Variants in NSMCE4A observed in about 807,000 individuals in gnomAD.
NSMCE4A encodes the protein non-structural maintenance of chromosomes element 4 homolog A.
A neutral mutation model predicts 47.9 loss-of-function variants in NSMCE4A; 40 were observed. The ratio of observed to expected loss-of-function variants is 0.83; its 90% CI spans 0.65 to 1.09. The LOEUF is 1.09. Ranked by LOEUF, NSMCE4A falls within the 50% of genes least tolerant of loss-of-function variation. NSMCE4A has a pLI of 0.00. For synonymous variants in NSMCE4A, 166 were observed against 178.5 expected (o/e 0.93, Z 0.56); for missense variants, 500 against 507.0 (o/e 0.99, Z 0.13).
In NSMCE4A at chr10:121,964,623, G is replaced by A. The variant is rs567360032; in HGVS notation, c.753+663C>T. On this transcript the variant is annotated intron_variant, in intron 5 of 10. Coordinates refer to ENST00000369023, the MANE Select transcript of NSMCE4A (RefSeq NM_017615.3). ...TACCTAGCTAATTTCTGTATTTTTA[G>A]TAGAGACGGGGTTTCCCCGTATTGG... is the stretch of plus-strand genomic sequence containing the variant. 1.5e-3 allele frequency among the ~76,000 whole-genome samples: 233 copies of A among 151,776 alleles called. 1 individual carries two copies. The highest frequency in any genetic ancestry group is 2.3e-3 in the Non-Finnish European group (159 of 67,972).
At chr10:121,974,142 A>G in intron 1 of NSMCE4A, 61 bp from the exon 2 acceptor site, 1 of 1,443,518 alleles carries the variant, frequency 6.9e-7, no homozygotes, top group Non-Finnish European at 9.6e-7. Context: ...AGCAGTTGAC[A>G]AGGTTATCAC....
At chr10:121,964,958 A>G (rs895138527) in intron 5 of NSMCE4A, among the ~76,000 whole-genome samples, 7 of 152,146 alleles carry the variant, frequency 4.6e-5, no homozygotes, top group South Asian at 2.1e-4. Flanking sequence ...CTATTAGCAT[A>G]TAACAGGTAG....
Position 121,975,104 on chromosome 10 carries a change from C to G in NSMCE4A, c.62G>C (p.Arg21Pro), listed in dbSNP as rs1271334715. Residue 21 changes from arginine (R) to proline (P), a missense_variant, in exon 1 of 11, where the codon CGG (arginine) becomes CCG (proline). Arg to Pro is a moderately radical substitution (Grantham distance 103). Transcript: ENST00000369023. Reference sequence around the variant, plus strand: ...GCGGGAGCGGGAGCGGGTGCGATCCCGATGCGGGTCGCGGCCCCGGCCCCG... The same window carrying G: ...GCGGGAGCGGGAGCGGGTGCGATCCGGATGCGGGTCGCGGCCCCGGCCCCG... ...EGRGRGRDPH[R>P]DRTRSRSRSR... is the part of the protein sequence containing the mutation. 2 of 1,433,232 alleles carry G rather than the reference C, an allele frequency of 1.4e-6. No homozygotes were observed. The highest frequency in any genetic ancestry group is 1.5e-5 in the African/African-American group (1 of 66,436). 88.8% of individuals were successfully genotyped at this position (1,433,232 alleles called of 1,614,324 possible).
chr10:121,960,494 C>A lies in NSMCE4A; in HGVS notation c.940-88G>T. 1.1e-6 allele frequency: 1 copy of A among 876,208 alleles called. No individual in the cohort carries two copies. Among genetic ancestry groups the A allele is most frequent in the South Asian group, 1.9e-5 (1 of 52,022 alleles). The allele number at this position is 876,208 out of a possible 1,614,324, so 54.3% of individuals were successfully genotyped here. A position where few individuals can be genotyped will look rare whatever the true frequency, so the allele number is the denominator to read the frequency against. ...GATGGAAAAAATTACTCAGAAAATT[C>A]AGTATCTCAGAAAATCAAATTACAC... On this transcript the variant is annotated intron_variant, in intron 7 of 10. Coordinates refer to ENST00000369023, the MANE Select transcript of NSMCE4A (RefSeq NM_017615.3). This position sits in a 1 kb window ranked among gnomAD's most constrained non-coding sequence, Gnocchi z 4.2.
At position 121,974,095 on chromosome 10, in the gene NSMCE4A, T is replaced by C; in HGVS notation, c.293-14A>G. ...CCTCACGGTTTTCTATTTTTAAAAA[T>C]ACAAACTTTGGGAAATTTGTTCAGC... is the stretch of plus-strand genomic sequence containing the variant. On this transcript the variant is annotated splice_polypyrimidine_tract_variant and intron_variant, in intron 1 of 10. Transcript: ENST00000369023. 3 of 1,584,986 alleles carry C rather than the reference T, an allele frequency of 1.9e-6. No individual in the cohort carries two copies. Among genetic ancestry groups the C allele is most frequent in the Non-Finnish European group, 1.7e-6 (2 of 1,161,454 alleles).
At chr10:121,968,011 C>G (rs549238985) in intron 3 of NSMCE4A, among the ~76,000 whole-genome samples, 1 of 152,304 alleles carries the variant, frequency 6.6e-6, no homozygotes, top group Admixed American at 6.5e-5. Context: ...TGGCAGAAAA[C>G]ATTCCTCAAT....
intron 2 of NSMCE4A, among the ~76,000 whole-genome samples, chr10:121,971,334 C>A (rs1265875665): frequency 1.3e-5 from 2 of 152,082 alleles, no homozygotes; most frequent in Non-Finnish European, 1.5e-5. Context: ...CACGGTGAAA[C>A]CCCAGCTCTA....
chr10:121,961,675 A>G, intron 6 of NSMCE4A, 158 bp from the exon 7 acceptor site: 1 of 510,408 alleles, frequency 2.0e-6, no homozygotes, highest in Non-Finnish European at 3.5e-6. Flanking sequence ...CATCTCTACT[A>G]AAAACATGTA....
At chr10:121,962,155 A>T (rs1372174429) in intron 6 of NSMCE4A, 1 of 355,604 alleles carries the variant, frequency 2.8e-6, no homozygotes. Flanking sequence ...GCGGTGGCTC[A>T]TGCCTGTAAT....
In NSMCE4A at chr10:121,974,452, C is replaced by G. The variant is rs965749545; in HGVS notation, c.293-371G>C. 4.9e-6 allele frequency: 5 copies of G among 1,012,476 alleles called. No homozygotes were observed. In the East Asian group the frequency reaches 4.8e-4, roughly 97 times the overall value. 62.7% of individuals were successfully genotyped at this position (1,012,476 alleles called of 1,614,324 possible). ...ACCCAGAGATTCGAATTCCGCGGGT[C>G]CGGGTGGGGTCCGAGAACGTGCATT... On this transcript the variant is annotated intron_variant, in intron 1 of 10. Coordinates refer to ENST00000369023, the MANE Select transcript of NSMCE4A (RefSeq NM_017615.3).
Position 121,961,461 on chromosome 10 carries a change from T to A in NSMCE4A, c.901A>T (p.Thr301Ser). The change falls in exon 7 of 11, where the codon ACA becomes TCA. Residue 301 changes from threonine to serine, a missense_variant. Thr to Ser is a moderately conservative substitution (Grantham distance 58). Coordinates refer to ENST00000369023, the MANE Select transcript of NSMCE4A (RefSeq NM_017615.3). Reference sequence around the variant, plus strand: ...GAAACATGAAAGATGTTTTCCACTGTACGGGGGAAAGAATGAGGATCAACC... The same window carrying A: ...GAAACATGAAAGATGTTTTCCACTGAACGGGGGAAAGAATGAGGATCAACC... Reference protein sequence around the residue: ...FVVDPHSFPRTVENIFHVSFI... With the variant: ...FVVDPHSFPRSVENIFHVSFI... The A allele has an allele frequency of 6.3e-7, 1 of 1,580,184 alleles. No individual in the cohort carries two copies. The highest frequency in any genetic ancestry group is 8.5e-7 in the Non-Finnish European group (1 of 1,171,224).
chr10:121,974,935 G>A lies in NSMCE4A; in HGVS notation c.231C>T (p.Ala77=). 4 of 1,533,736 alleles carry A rather than the reference G, an allele frequency of 2.6e-6. No individual in the cohort carries two copies. In the South Asian group the frequency reaches 4.9e-5, roughly 19 times the overall value. The part of the protein sequence containing the change: ...MMDPASLEAE[A]DQGLCRQIRH... ...GGATCTGGCGGCACAGGCCTTGGTC[G>A]GCCTCCGCCTCCAAGCTGGCCGGGT... Residue 77 remains alanine (A), a synonymous_variant, in exon 1 of 11, where the codon GCC becomes GCT. Transcript: ENST00000369023.
At chr10:121,965,489 C>G (rs1952590617) in intron 4 of NSMCE4A, 104 bp from the exon 5 acceptor site, 1 of 787,778 alleles carries the variant, frequency 1.3e-6, no homozygotes, top group African/African-American at 1.7e-5. Context: ...AAATTCAGAC[C>G]AGACATCAGT....
intron 10 of NSMCE4A, among the ~76,000 whole-genome samples, 170 bp from the exon 11 acceptor site, chr10:121,957,429 C>CTTT (rs34808169): frequency 2.0e-5 from 2 of 98,360 alleles, no homozygotes; most frequent in African/African-American, 3.7e-5. Flanking sequence ...CTTCTTTTTT[C>CTTT]TTTTTTTTTT....
rs769759096 is a variant in NSMCE4A, at chr10:121,967,798, A to G, written c.510T>C (p.His170=). The G allele has an allele frequency of 2.9e-5, 47 of 1,598,294 alleles. 1 individual carries two copies. Among genetic ancestry groups the G allele is most frequent in the South Asian group, 1.0e-4 (9 of 87,142 alleles). The change falls in exon 4 of 11, where the codon CAT becomes CAC. Residue 170 remains histidine (H), a synonymous_variant. Coordinates refer to ENST00000369023, the MANE Select transcript of NSMCE4A (RefSeq NM_017615.3). ...CAGCTTCTAGCGGATTTACACCCATATGTGTGAGCTACAAAAATGAAGGAA... is the reference window on the plus strand; with the variant it reads ...CAGCTTCTAGCGGATTTACACCCATGTGTGTGAGCTACAAAAATGAAGGAA... ...MLRYVETLLT[H]MGVNPLEAEE...
chr10:121,963,383 T>C, intron 5 of NSMCE4A, 55 bp from the exon 6 acceptor site: 1 of 1,019,358 alleles, frequency 9.8e-7, no homozygotes, highest in Non-Finnish European at 1.5e-6. Context: ...ATTAACGTTT[T>C]CTTCTCTCTT....
Position 121,959,522 on chromosome 10 carries a change from A to G in NSMCE4A, c.1062T>C (p.Ala354=). Reference sequence around the variant, plus strand: ...TTACCTCCCAGTCACGGTAACTCAAAGCTATAATTCCTTGATTTCTAACTT... The same window carrying G: ...TTACCTCCCAGTCACGGTAACTCAAGGCTATAATTCCTTGATTTCTAACTT... ...NTQVRNQGII[A]LSYRDWEEIV... Residue 354 remains alanine (A), a synonymous_variant, in exon 9 of 11, where the codon GCT becomes GCC. Transcript: ENST00000369023. 1 of 1,614,098 alleles carries G rather than the reference A, an allele frequency of 6.2e-7. No individual in the cohort carries two copies. Among genetic ancestry groups the G allele is most frequent in the Non-Finnish European group, 8.5e-7 (1 of 1,179,946 alleles).
rs777935610 is a variant in NSMCE4A, at chr10:121,960,465, A to G, written c.940-59T>C. 7.2e-6 allele frequency: 9 copies of G among 1,246,050 alleles called. No individual in the cohort carries two copies. The highest frequency in any genetic ancestry group is 1.6e-5 in the African/African-American group (1 of 62,872). 77.2% of individuals were successfully genotyped at this position (1,246,050 alleles called of 1,614,324 possible). A position where few individuals can be genotyped will look rare whatever the true frequency, so the allele number is the denominator to read the frequency against. On this transcript the variant is annotated intron_variant, in intron 7 of 10. Coordinates refer to ENST00000369023, the MANE Select transcript of NSMCE4A (RefSeq NM_017615.3). The surrounding 1 kb of genome is among the most constrained non-coding windows in gnomAD (Gnocchi z 4.2). Reference sequence around the variant, plus strand: ...ACATTTAAGACTCAAACCTATACGCACTAGATGGAAAAAATTACTCAGAAA... The same window carrying G: ...ACATTTAAGACTCAAACCTATACGCGCTAGATGGAAAAAATTACTCAGAAA...
At chr10:121,965,450 T>A in intron 4 of NSMCE4A, 65 bp from the exon 5 acceptor site, 1 of 1,242,764 alleles carries the variant, frequency 8.0e-7, no homozygotes, top group Non-Finnish European at 1.2e-6. Context: ...CTAACTTTAC[T>A]AACTAAAAGT....
Sources: gnomAD v4.1 joint callset for allele counts (sites outside exome capture counted in the v4.1 genomes callset) on GRCh38, gnomAD v4.1.1 for gene constraint, Gnocchi (gnomAD v3.1) non-coding constraint, MANE v1.5 for transcripts, NCBI Gene and HGNC (gene_info 2026-07-23, HGNC 2026-07-21) for gene names.